The following TOX variants were observed in gnomAD, a reference collection of about 807,000 sequenced individuals.
TOX encodes the protein thymocyte selection associated high mobility group box, also known as thymocyte selection-associated high mobility group box protein TOX.
Under a neutral mutation model 53.7 loss-of-function variants are expected in TOX, and 11 were observed. The observed-to-expected ratio is 0.20, with a 90% CI of 0.13 to 0.34. The LOEUF (loss-of-function observed/expected upper bound fraction) is 0.34. Among genes scored for constraint, TOX ranks in the 10% least tolerant of loss-of-function variants. TOX has a pLI of 1.00. For synonymous variants in TOX, 225 were observed against 245.3 expected (o/e 0.92, Z 0.77); for missense variants, 570 against 664.6 (o/e 0.86, Z 1.56).
At chr8:59,012,626 C>T (rs1024448109) in intron 1 of TOX, among the ~76,000 whole-genome samples, 6 of 152,148 alleles carry the variant, frequency 3.9e-5, no homozygotes, top group African/African-American at 1.4e-4. Flanking sequence ...GGAATTATAA[C>T]TAATGGTATA....
At chr8:58,880,397 C>T (rs1010217153) in intron 3 of TOX, among the ~76,000 whole-genome samples, 4 of 152,068 alleles carry the variant, frequency 2.6e-5, no homozygotes, top group African/African-American at 7.2e-5. Context: ...AAATATCTGG[C>T]GTATATTAAG....
intron 7 of TOX, 69 bp downstream of exon 7, chr8:58,815,269 T>C: frequency 6.6e-7 from 1 of 1,510,670 alleles, no homozygotes; most frequent in East Asian, 2.3e-5. Context: ...GATAAACAGC[T>C]CCCCCCACCT....
intron 3 of TOX, among the ~76,000 whole-genome samples, chr8:58,919,164 C>T (rs1464742865): frequency 6.6e-6 from 1 of 151,538 alleles, no homozygotes; most frequent in Non-Finnish European, 1.5e-5. Context: ...CCATCCCCAT[C>T]AAGCTGCCAA....
chr8:58,970,177 G>A lies in TOX; in HGVS notation c.103-10169C>T, dbSNP rs189855132. ...AACCCCACAGTCAGTCAGTTTCCACGTTGTTTTACCAGTAAGAAAACTGAG... is the reference window on the plus strand; with the variant it reads ...AACCCCACAGTCAGTCAGTTTCCACATTGTTTTACCAGTAAGAAAACTGAG... On this transcript the variant is annotated intron_variant, in intron 1 of 8. Transcript: ENST00000361421. 5.3e-4 allele frequency among the ~76,000 whole-genome samples: 81 copies of A among 152,160 alleles called. 1 individual carries two copies. Among genetic ancestry groups the A allele is most frequent in the Middle Eastern group, 3.4e-3 (1 of 294 alleles).
chr8:59,103,560 C>T (rs1804844797), intron 1 of TOX, among the ~76,000 whole-genome samples: 1 of 152,138 alleles, frequency 6.6e-6, no homozygotes, highest in Admixed American at 6.5e-5. Flanking sequence ...AAACCTTAGC[C>T]TTCTAAGACC....
chr8:58,885,034 T>C (rs1811443203), intron 3 of TOX, among the ~76,000 whole-genome samples: 1 of 152,142 alleles, frequency 6.6e-6, no homozygotes, highest in Non-Finnish European at 1.5e-5. Flanking sequence ...GCAGGTACTA[T>C]TTGTCTTCCA....
chr8:58,863,565 A>G (rs1161962856), intron 3 of TOX, among the ~76,000 whole-genome samples: 2 of 152,166 alleles, frequency 1.3e-5, no homozygotes, highest in Non-Finnish European at 2.9e-5. Flanking sequence ...CTCAAAGCCT[A>G]TATCATAACC....
chr8:58,858,777 C>T (rs763013428), intron 3 of TOX, among the ~76,000 whole-genome samples: 2 of 152,204 alleles, frequency 1.3e-5, no homozygotes, highest in Non-Finnish European at 2.9e-5. Flanking sequence ...AAACACACAC[C>T]GTTCATAGCA....
At chr8:59,007,763 C>T (rs1308671871) in intron 1 of TOX, among the ~76,000 whole-genome samples, 2 of 152,110 alleles carry the variant, frequency 1.3e-5, no homozygotes, top group Non-Finnish European at 2.9e-5. Flanking sequence ...ATATCATATG[C>T]TGGTGTTATT....
intron 1 of TOX, among the ~76,000 whole-genome samples, chr8:59,064,342 T>C (rs146993209): frequency 1.3e-4 from 20 of 152,306 alleles, no homozygotes; most frequent in African/African-American, 4.6e-4. Flanking sequence ...CGTCCTCTAG[T>C]TTTCCAGCAT....
chr8:58,957,367 C>T (rs1034112673), intron 2 of TOX, among the ~76,000 whole-genome samples: 3 of 152,098 alleles, frequency 2.0e-5, no homozygotes, highest in African/African-American at 7.2e-5. Flanking sequence ...ATATACTTGT[C>T]AGGCTTATTA....
chr8:58,942,442 C>T (rs1279356704), intron 2 of TOX, among the ~76,000 whole-genome samples: 2 of 152,106 alleles, frequency 1.3e-5, no homozygotes, highest in Admixed American at 6.6e-5. Context: ...AGAATTTTAA[C>T]TACTAAGGTT....
chr8:58,900,287 G>T (rs532494330), intron 3 of TOX, among the ~76,000 whole-genome samples: 2 of 152,020 alleles, frequency 1.3e-5, no homozygotes, highest in East Asian at 3.9e-4. Flanking sequence ...ATACAAAATG[G>T]CTTTTTAAAA....
intron 1 of TOX, among the ~76,000 whole-genome samples, chr8:59,024,117 C>T (rs1054279088): frequency 6.6e-6 from 1 of 152,192 alleles, no homozygotes; most frequent in African/African-American, 2.4e-5. Flanking sequence ...TTCTCTCTCT[C>T]GCACTGGATT....
Position 59,117,981 on chromosome 8 carries a change from A to G in TOX, c.102+905T>C, listed in dbSNP as rs1341856749. Among the ~76,000 whole-genome samples the G allele has an allele frequency of 6.6e-6, 1 of 152,046 alleles. No homozygotes were observed. On this transcript the variant is annotated intron_variant, in intron 1 of 8. Transcript: ENST00000361421. This position sits in a 1 kb window ranked among gnomAD's most constrained non-coding sequence, Gnocchi z 4.6. ...ATGAGAGAGTTCGAGAAGCCGGGAG[A>G]GTAACCCCCTCCCTCGTACCCCCTG...
In TOX at chr8:59,118,833, C is replaced by A; in HGVS notation, c.102+53G>T. ...GCCGCGGCCCGGCCACCGCCGCTCCCCTCCCAGGATCAAGCAGCAAGAACA... is the reference window on the plus strand; with the variant it reads ...GCCGCGGCCCGGCCACCGCCGCTCCACTCCCAGGATCAAGCAGCAAGAACA... On this transcript the variant is annotated intron_variant, in intron 1 of 8. Transcript: ENST00000361421. This position sits in a 1 kb window ranked among gnomAD's most constrained non-coding sequence, Gnocchi z 4.1. 1.4e-6 allele frequency: 2 copies of A among 1,440,450 alleles called. No homozygotes were observed. The highest frequency in any genetic ancestry group is 1.3e-5 in the South Asian group (1 of 79,148). 89.2% of individuals were successfully genotyped at this position (1,440,450 alleles called of 1,614,324 possible).
intron 1 of TOX, among the ~76,000 whole-genome samples, chr8:59,107,015 C>A (rs963921209): frequency 1.5e-5 from 2 of 131,206 alleles, no homozygotes; most frequent in Admixed American, 9.0e-5. Flanking sequence ...CCATTGAGAA[C>A]AATGAACAAT....
intron 3 of TOX, among the ~76,000 whole-genome samples, chr8:58,857,420 G>A (rs561298914): frequency 2.6e-5 from 4 of 152,198 alleles, no homozygotes; most frequent in Non-Finnish European, 4.4e-5. Context: ...TGGGTGCTAG[G>A]TTTCACTTTT....
chr8:58,955,496 T>C (rs1163648025), intron 2 of TOX, among the ~76,000 whole-genome samples: 1 of 152,160 alleles, frequency 6.6e-6, no homozygotes, highest in African/African-American at 2.4e-5. Flanking sequence ...GGAAGTGATT[T>C]ATTAAAAATC....
Sources: allele counts gnomAD v4.1 joint callset (sites outside exome capture counted in the v4.1 genomes callset), GRCh38; gene constraint gnomAD v4.1.1; non-coding constraint Gnocchi (gnomAD v3.1); transcripts MANE v1.5; gene names NCBI Gene and HGNC (gene_info 2026-07-23, HGNC 2026-07-21).